The following PARVA variants were observed in gnomAD, a reference collection of about 807,000 sequenced individuals.
PARVA encodes the protein alpha-parvin.
Under a neutral mutation model 52.6 loss-of-function variants are expected in PARVA, and 25 were observed. The observed-to-expected ratio is 0.48, with a 90% CI of 0.35 to 0.66. The LOEUF is 0.66. Among genes scored for constraint, PARVA ranks in the 30% least tolerant of loss-of-function variants. PARVA has a pLI of 0.01. For missense variants in PARVA, 373 were observed against 450.9 expected, an observed-to-expected ratio of 0.83 and a Z score of 1.56; for synonymous variants, 185 against 179.1, an observed-to-expected ratio of 1.03 and a Z score of -0.26.
intron 6 of PARVA, among the ~76,000 whole-genome samples, chr11:12,508,369 T>C (rs1413654899): frequency 6.6e-6 from 1 of 152,212 alleles, no homozygotes; most frequent in African/African-American, 2.4e-5. Flanking sequence ...GCCTACTTGT[T>C]TGGACTAAAC....
At chr11:12,494,998 A>G (rs1191270635) in intron 4 of PARVA, among the ~76,000 whole-genome samples, 1 of 152,204 alleles carries the variant, frequency 6.6e-6, no homozygotes, top group Admixed American at 6.5e-5. Context: ...CTATAGAGAC[A>G]ATTACATCAT....
At chr11:12,436,158 C>T (rs1176459614) in intron 1 of PARVA, among the ~76,000 whole-genome samples, 1 of 152,126 alleles carries the variant, frequency 6.6e-6, no homozygotes, top group African/African-American at 2.4e-5. Flanking sequence ...CAATATCTCC[C>T]TCTTCTGAGG....
At chr11:12,403,034 GC>G (rs1426039114) in intron 1 of PARVA, among the ~76,000 whole-genome samples, 1 of 152,168 alleles carries the variant, frequency 6.6e-6, no homozygotes, top group African/African-American at 2.4e-5. Context: ...TGGTACTAAA[GC>G]ACATATTATC....
At chr11:12,382,271 G>A (rs758114723) in intron 1 of PARVA, among the ~76,000 whole-genome samples, 2 of 151,950 alleles carry the variant, frequency 1.3e-5, no homozygotes, top group Non-Finnish European at 2.9e-5. Flanking sequence ...TTGACATTTC[G>A]ATAAGTTCTA....
intron 4 of PARVA, chr11:12,480,583 A>G (rs906266671): frequency 4.6e-5 from 7 of 152,184 alleles, no homozygotes; most frequent in Non-Finnish European, 8.8e-5. Flanking sequence ...AATGGTTACA[A>G]AACCATCCAG....
At chr11:12,508,552 C>A (rs1232250354) in intron 6 of PARVA, 32 bp from the exon 7 acceptor site, 38 of 1,517,106 alleles carry the variant, frequency 2.5e-5, no homozygotes, top group Non-Finnish European at 3.4e-5. Flanking sequence ...TTTCTCTTCT[C>A]CTCCCAACCC....
intron 5 of PARVA, among the ~76,000 whole-genome samples, chr11:12,498,187 C>G (rs933505554): frequency 2.0e-5 from 3 of 152,088 alleles, no homozygotes; most frequent in Non-Finnish European, 2.9e-5. Flanking sequence ...GCGTGTGCCA[C>G]CAAGCCCAGC....
intron 1 of PARVA, among the ~76,000 whole-genome samples, chr11:12,451,465 T>G (rs1940623196): frequency 6.6e-6 from 1 of 152,094 alleles, no homozygotes; most frequent in Non-Finnish European, 1.5e-5. Flanking sequence ...TTTTTCTGTC[T>G]GATATCTGGA....
upstream of PARVA, chr11:12,377,512 G>C (rs1939410035): frequency 2.8e-6 from 4 of 1,420,520 alleles, no homozygotes; most frequent in South Asian, 2.7e-5. Context: ...GGAAAGGCGA[G>C]CGTGAGCTGC....
At position 12,508,638 on chromosome 11, in the gene PARVA, A is replaced by G. The variant is rs1203843818; in HGVS notation, c.712A>G (p.Thr238Ala). 2 of 1,605,004 alleles carry G rather than the reference A, an allele frequency of 1.2e-6. No individual in the cohort carries two copies. The highest frequency in any genetic ancestry group is 1.7e-5 in the Admixed American group (1 of 59,046). The change falls in exon 7 of 13, where the codon ACA becomes GCA. Residue 238 changes from threonine (T) to alanine (A), a missense_variant. Transcript: ENST00000334956. The stretch of plus-strand genomic sequence containing the variant: ...AATCCAAGAGGAAATAACTGGTAAC[A>G]CAGAGTATGTCAACACCATTGTTGC... Reference protein sequence around the residue: ...RQIQEEITGNTEALSGRHERD... With the variant: ...RQIQEEITGNAEALSGRHERD...
At chr11:12,421,101 G>A (rs1002993275) in intron 1 of PARVA, among the ~76,000 whole-genome samples, 32 of 127,508 alleles carry the variant, frequency 2.5e-4, no homozygotes, top group African/African-American at 8.1e-4. Context: ...CTTGGTGGTC[G>A]GAGCTTGCCA....
chr11:12,505,675 C>G (rs1941424078), intron 6 of PARVA, among the ~76,000 whole-genome samples: 3 of 152,146 alleles, frequency 2.0e-5, no homozygotes, highest in Admixed American at 6.5e-5. Context: ...TTATTGAGCT[C>G]TTCACTTGTC....
chr11:12,387,272 C>A (rs575269201), intron 1 of PARVA, among the ~76,000 whole-genome samples: 1 of 152,318 alleles, frequency 6.6e-6, no homozygotes, highest in South Asian at 2.1e-4. Flanking sequence ...GACCAGAGCA[C>A]CAGCACAAGG....
At chr11:12,484,099 GT>G (rs555859920) in intron 4 of PARVA, among the ~76,000 whole-genome samples, 67 of 152,212 alleles carry the variant, frequency 4.4e-4, no homozygotes, top group Non-Finnish European at 6.9e-4. Flanking sequence ...AGTTATACAG[GT>G]ATGTCCATGG....
At position 12,485,093 on chromosome 11, in the gene PARVA, C is replaced by T. The variant is rs140859545; in HGVS notation, c.400+7144C>T. The stretch of plus-strand genomic sequence containing the variant: ...CCTCCCAAAGTGGTGGGATTAAAGG[C>T]GTGAGCCACCTCACCCAGCCAGAGG... On this transcript the variant is annotated intron_variant, in intron 4 of 12. Coordinates refer to ENST00000334956, the MANE Select transcript of PARVA (RefSeq NM_018222.5). Among the ~76,000 whole-genome samples, 326 of 152,210 alleles carry T rather than the reference C, an allele frequency of 2.1e-3. 1 individual carries two copies. The highest frequency in any genetic ancestry group is 7.5e-3 in the African/African-American group (310 of 41,528).
At chr11:12,399,606 T>C (rs1191547123) in intron 1 of PARVA, among the ~76,000 whole-genome samples, 3 of 152,258 alleles carry the variant, frequency 2.0e-5, no homozygotes, top group Non-Finnish European at 4.4e-5. Context: ...TCACACTCTG[T>C]GTAGCACTGA....
intron 1 of PARVA, among the ~76,000 whole-genome samples, chr11:12,465,959 C>A (rs1490448932): frequency 6.6e-6 from 1 of 152,152 alleles, no homozygotes; most frequent in Non-Finnish European, 1.5e-5. Context: ...GCATTCCTAC[C>A]AGCAATAAAT....
In PARVA at chr11:12,385,643, A is replaced by G. The variant is rs143272367; in HGVS notation, c.136+7860A>G. 7.5e-3 allele frequency among the ~76,000 whole-genome samples: 1,145 copies of G among 152,314 alleles called. 14 individuals carry two copies. Among genetic ancestry groups the G allele is most frequent in the South Asian group, 0.053 (257 of 4,822 alleles). ...TTATGAGACCTATGACCTGGTTTGCACTATTCAGCTCTGCCTTTGCTGCCA... is the reference window on the plus strand; with the variant it reads ...TTATGAGACCTATGACCTGGTTTGCGCTATTCAGCTCTGCCTTTGCTGCCA... On this transcript the variant is annotated intron_variant, in intron 1 of 12. Coordinates refer to ENST00000334956, the MANE Select transcript of PARVA (RefSeq NM_018222.5).
chr11:12,433,479 G>C (rs540051716), intron 1 of PARVA, among the ~76,000 whole-genome samples: 2 of 152,174 alleles, frequency 1.3e-5, no homozygotes, highest in African/African-American at 2.4e-5. Context: ...AGTTTGGGTT[G>C]TGTGGAAGGT....
Sources: allele counts gnomAD v4.1 joint callset (sites outside exome capture counted in the v4.1 genomes callset), GRCh38; gene constraint gnomAD v4.1.1; transcripts MANE v1.5; gene names NCBI Gene and HGNC (gene_info 2026-07-23, HGNC 2026-07-21).